CORO2B: variants seen among roughly 807,000 people sequenced by gnomAD.
CORO2B encodes coronin 2B, also known as coronin-2B.
In CORO2B, 26 loss-of-function variants were observed where a neutral mutation model predicts 58.8. That is an observed-to-expected ratio of 0.44 (90% CI 0.32 to 0.61). CORO2B has a LOEUF of 0.61. CORO2B is among the 20% of genes least tolerant of loss of function. The pLI, the probability that CORO2B is intolerant of heterozygous loss-of-function variation, is 0.04. For synonymous variants in CORO2B, 242 were observed against 253.8 expected, an observed-to-expected ratio of 0.95 and a Z score of 0.44; for missense variants, 460 against 645.1, an observed-to-expected ratio of 0.71 and a Z score of 3.11.
At chr15:68,532,908 A>G in the CORO2B span, among the ~76,000 whole-genome samples, 153 of 152,354 alleles carry the variant, frequency 1.0e-3, no homozygotes, top group African/African-American at 3.6e-3. Context: ...CCTTACCTGT[A>G]TGAACTCTGG....
the CORO2B span, among the ~76,000 whole-genome samples, chr15:68,528,689 GTTT>G: frequency 8.5e-6 from 1 of 118,014 alleles, no homozygotes; most frequent in Non-Finnish European, 1.8e-5. Context: ...TTTTCTGAGT[GTTT>G]TTTTTTTTTT....
chr15:68,662,147 C>T (rs1902036165), intron 2 of CORO2B, among the ~76,000 whole-genome samples: 1 of 152,166 alleles, frequency 6.6e-6, no homozygotes, highest in South Asian at 2.1e-4. Context: ...TTCCTGTTAT[C>T]ACGACATTTT....
intron 3 of CORO2B, among the ~76,000 whole-genome samples, chr15:68,697,143 T>A (rs1354031109): frequency 1.3e-5 from 2 of 151,214 alleles, no homozygotes; most frequent in East Asian, 3.9e-4. Context: ...GATGGATGGA[T>A]TGTTGGATGG....
chr15:68,689,907 G>A (rs1489754945), intron 2 of CORO2B, among the ~76,000 whole-genome samples: 1 of 152,206 alleles, frequency 6.6e-6, no homozygotes, highest in Non-Finnish European at 1.5e-5. Flanking sequence ...GTGTTGGCTC[G>A]TGAGAGCCTA....
intron 1 of CORO2B, among the ~76,000 whole-genome samples, chr15:68,624,561 A>C (rs1900624333): frequency 6.6e-6 from 1 of 152,146 alleles, no homozygotes; most frequent in African/African-American, 2.4e-5. Flanking sequence ...ATGATGTATT[A>C]GTTGTGCATT....
intron 2 of CORO2B, among the ~76,000 whole-genome samples, chr15:68,665,029 A>G (rs927808812): frequency 8.6e-5 from 13 of 151,604 alleles, no homozygotes; most frequent in South Asian, 2.1e-4. Flanking sequence ...TGGCTTCTGG[A>G]TCTTGGGCCA....
intron 11 of CORO2B, among the ~76,000 whole-genome samples, chr15:68,725,415 T>C (rs1321433840): frequency 1.3e-5 from 2 of 151,970 alleles, no homozygotes; most frequent in Non-Finnish European, 2.9e-5. Context: ...TAATAATATA[T>C]GTAATACATG....
At position 68,660,138 on chromosome 15, in the gene CORO2B, C is replaced by T. The variant is rs115814503; in HGVS notation, c.216+14778C>T. Among the ~76,000 whole-genome samples, 750 of 152,282 alleles carry T rather than the reference C, an allele frequency of 4.9e-3. 5 individuals carry two copies. The highest frequency in any genetic ancestry group is 0.017 in the African/African-American group (721 of 41,546). ...AATGTTTCTATATGGTACCAATTCT[C>T]CTTTGACCATGTGCCTGTATCATGG... On this transcript the variant is annotated intron_variant, in intron 2 of 11. Transcript: ENST00000261861.
chr15:68,550,057 G>A, the CORO2B span, among the ~76,000 whole-genome samples: 2 of 151,802 alleles, frequency 1.3e-5, no homozygotes, highest in African/African-American at 2.4e-5. Context: ...TGCTTCCTGC[G>A]GGCTGCAAAC....
chr15:68,685,118 C>T (rs1308018274), intron 2 of CORO2B, among the ~76,000 whole-genome samples: 1 of 152,222 alleles, frequency 6.6e-6, no homozygotes, highest in East Asian at 1.9e-4. Flanking sequence ...CTCGGTACTC[C>T]TTTACATGCT....
At chr15:68,565,526 A>AAAAT in the CORO2B span, among the ~76,000 whole-genome samples, 1 of 150,226 alleles carries the variant, frequency 6.7e-6, no homozygotes, top group African/African-American at 2.5e-5. Flanking sequence ...TTCAAATAAA[A>AAAAT]ATAAATATAT....
chr15:68,714,805 C>T (rs888036721), intron 7 of CORO2B, 142 bp downstream of exon 7: 12 of 658,786 alleles, frequency 1.8e-5, no homozygotes, highest in Non-Finnish European at 2.7e-5. Flanking sequence ...TCCACACCTG[C>T]CCTCAAGTCT....
intron 2 of CORO2B, among the ~76,000 whole-genome samples, chr15:68,646,982 A>G (rs1295719036): frequency 6.6e-6 from 1 of 152,178 alleles, no homozygotes; most frequent in Non-Finnish European, 1.5e-5. Flanking sequence ...CCCCAGGAAC[A>G]TGTGGGCTGG....
chr15:68,652,552 G>A (rs1436218577), intron 2 of CORO2B, among the ~76,000 whole-genome samples: 1 of 152,198 alleles, frequency 6.6e-6, no homozygotes, highest in East Asian at 1.9e-4. Context: ...ACCCGGCCTA[G>A]ATATCAAGAG....
At chr15:68,539,957 G>A in the CORO2B span, among the ~76,000 whole-genome samples, 5 of 152,152 alleles carry the variant, frequency 3.3e-5, no homozygotes, top group African/African-American at 1.2e-4. Flanking sequence ...CTGGCTTTAC[G>A]CAAGCGTGCA....
chr15:68,669,925 C>T (rs1418085143), intron 2 of CORO2B, among the ~76,000 whole-genome samples: 1 of 151,552 alleles, frequency 6.6e-6, no homozygotes, highest in African/African-American at 2.4e-5. Context: ...GGCATGATGG[C>T]GCATGCCTGT....
chr15:68,524,215 G>C, the CORO2B span, among the ~76,000 whole-genome samples: 11 of 151,486 alleles, frequency 7.3e-5, no homozygotes, highest in Non-Finnish European at 1.6e-4. Context: ...GCAAAACCCT[G>C]TCTCAAAAAA....
chr15:68,597,685 A>G (rs1387376768), intron 1 of CORO2B, among the ~76,000 whole-genome samples: 4 of 152,126 alleles, frequency 2.6e-5, no homozygotes, highest in Non-Finnish European at 5.9e-5. Flanking sequence ...AAAATCCTCC[A>G]TTGCTATGGA....
At chr15:68,549,293 T>G in the CORO2B span, among the ~76,000 whole-genome samples, 1 of 152,230 alleles carries the variant, frequency 6.6e-6, no homozygotes, top group African/African-American at 2.4e-5. Context: ...CTTTGAGAAT[T>G]TGCTTTAGCA....
Sources: allele counts gnomAD v4.1 joint callset (sites outside exome capture counted in the v4.1 genomes callset), GRCh38; gene constraint gnomAD v4.1.1; transcripts MANE v1.5; gene names NCBI Gene and HGNC (gene_info 2026-07-23, HGNC 2026-07-21).